Variants in ILDR1 observed in about 807,000 individuals in gnomAD.
The protein encoded by ILDR1 is immunoglobulin like domain containing receptor 1.
In ILDR1, 56 loss-of-function variants were observed where a neutral mutation model predicts 62.4. The ratio of observed to expected loss-of-function variants is 0.90; its 90% CI spans 0.72 to 1.12. The LOEUF is 1.12. Ranked by LOEUF, ILDR1 falls within the 50% of genes most tolerant of loss-of-function variation. ILDR1 has a pLI of 0.00. For synonymous variants in ILDR1, 284 were observed against 277.8 expected, an observed-to-expected ratio of 1.02 and a Z score of -0.22; for missense variants, 736 against 710.6, an observed-to-expected ratio of 1.04 and a Z score of -0.41.
At chr3:122,006,889 A>G in intron 2 of ILDR1, 102 bp downstream of exon 2, 1 of 1,272,434 alleles carries the variant, frequency 7.9e-7, no homozygotes, top group Non-Finnish European at 1.1e-6. Flanking sequence ...TCTTCTCCTC[A>G]CTACCAAGAT....
chr3:122,060,351 G>A, the ILDR1 span, among the ~76,000 whole-genome samples: 18 of 152,124 alleles, frequency 1.2e-4, no homozygotes, highest in African/African-American at 3.9e-4. Flanking sequence ...GGAAAATGGA[G>A]GCAGCACAGA....
the ILDR1 span, among the ~76,000 whole-genome samples, chr3:122,038,837 T>C: frequency 2.4e-4 from 37 of 152,238 alleles, no homozygotes; most frequent in African/African-American, 8.9e-4. Context: ...AAAAATTGCA[T>C]GGACAGAAAT....
the ILDR1 span, among the ~76,000 whole-genome samples, chr3:122,057,396 G>A: frequency 6.6e-6 from 1 of 152,162 alleles, no homozygotes; most frequent in Middle Eastern, 3.2e-3. Flanking sequence ...ATCCATAATG[G>A]AATACCATGT....
chr3:122,004,020 C>T (rs1485709606), intron 3 of ILDR1, among the ~76,000 whole-genome samples: 3 of 147,146 alleles, frequency 2.0e-5, no homozygotes, highest in Admixed American at 6.7e-5. Context: ...AATCAGATGC[C>T]GAATGTAAAA....
At chr3:122,045,782 T>A in the ILDR1 span, among the ~76,000 whole-genome samples, 3 of 149,426 alleles carry the variant, frequency 2.0e-5, no homozygotes, top group Admixed American at 6.7e-5. Flanking sequence ...TAGATCTTCC[T>A]CCATCCTTTT....
chr3:122,018,980 C>T lies in ILDR1; in HGVS notation c.58+3040G>A, dbSNP rs190017280. On this transcript the variant is annotated intron_variant, in intron 1 of 7. Transcript: ENST00000344209. The stretch of plus-strand genomic sequence containing the variant: ...TCTAAGGATATTCTTACTTAGGGGT[C>T]GGTTGTCTGATTTCCCAAAGAATGA... Among the ~76,000 whole-genome samples, 58 of 152,124 alleles carry T rather than the reference C, an allele frequency of 3.8e-4. 1 individual carries two copies. Among genetic ancestry groups the T allele is most frequent in the Non-Finnish European group, 7.1e-4 (48 of 68,028 alleles).
At chr3:122,036,278 A>G in the ILDR1 span, among the ~76,000 whole-genome samples, 2 of 152,282 alleles carry the variant, frequency 1.3e-5, no homozygotes, top group African/African-American at 4.8e-5. Context: ...ATTATCTGAA[A>G]CTGAAACTCA....
the ILDR1 span, among the ~76,000 whole-genome samples, chr3:122,041,953 A>G: frequency 6.9e-6 from 1 of 144,496 alleles, no homozygotes; most frequent in Non-Finnish European, 1.5e-5. Flanking sequence ...TTTAGGGTAC[A>G]TGTGCACATT....
At chr3:122,017,134 G>A (rs979112205) in intron 1 of ILDR1, among the ~76,000 whole-genome samples, 2 of 151,862 alleles carry the variant, frequency 1.3e-5, no homozygotes, top group Non-Finnish European at 2.9e-5. Flanking sequence ...TGCAACCTCC[G>A]CCCCACCGGG....
At chr3:122,017,463 C>G (rs374374439) in intron 1 of ILDR1, among the ~76,000 whole-genome samples, 7 of 152,196 alleles carry the variant, frequency 4.6e-5, no homozygotes, top group African/African-American at 1.7e-4. Flanking sequence ...AATCACCCAA[C>G]GGCTTGTTTC....
At chr3:121,994,127 T>C (rs1398833775) in intron 6 of ILDR1, 55 bp downstream of exon 6, 27 of 1,531,504 alleles carry the variant, frequency 1.8e-5, no homozygotes, top group Non-Finnish European at 2.3e-5. Context: ...ATGTAGCCCA[T>C]GTTCCCGCCC....
chr3:122,025,809 G>A (rs1559886518), upstream of ILDR1, among the ~76,000 whole-genome samples: 2 of 152,140 alleles, frequency 1.3e-5, no homozygotes, highest in South Asian at 4.1e-4. Flanking sequence ...CTAAAGGGAG[G>A]TAAGAAGTGT....
At chr3:122,002,412 T>C (rs1166475667) in intron 3 of ILDR1, among the ~76,000 whole-genome samples, 1 of 152,190 alleles carries the variant, frequency 6.6e-6, no homozygotes, top group African/African-American at 2.4e-5. Flanking sequence ...AAACTCCACA[T>C]TCTGGGTCCC....
chr3:122,057,940 C>G, the ILDR1 span, among the ~76,000 whole-genome samples: 3 of 152,202 alleles, frequency 2.0e-5, no homozygotes, highest in African/African-American at 7.2e-5. Context: ...AGCCAGGCTG[C>G]TGGGGTTTGA....
the ILDR1 span, among the ~76,000 whole-genome samples, chr3:122,036,507 T>G: frequency 6.6e-6 from 1 of 150,388 alleles, no homozygotes; most frequent in Non-Finnish European, 1.5e-5. Context: ...GAGAATGGTG[T>G]CAACGCGGGA....
At chr3:122,042,960 T>C in the ILDR1 span, among the ~76,000 whole-genome samples, 1 of 150,366 alleles carries the variant, frequency 6.7e-6, no homozygotes, top group South Asian at 2.1e-4. Context: ...TTGCCATTGC[T>C]TTTGGTGTTT....
At chr3:122,015,992 C>A (rs543354486) in intron 1 of ILDR1, among the ~76,000 whole-genome samples, 17 of 152,180 alleles carry the variant, frequency 1.1e-4, no homozygotes, top group Admixed American at 8.5e-4. Context: ...AACAGCTGTC[C>A]ATTTCTGTTA....
chr3:122,009,495 A>G (rs1324500425), intron 1 of ILDR1, among the ~76,000 whole-genome samples: 1 of 152,228 alleles, frequency 6.6e-6, no homozygotes, highest in African/African-American at 2.4e-5. Flanking sequence ...TGCTAGCCTT[A>G]TCAGGTCCTT....
At chr3:122,050,108 G>A in the ILDR1 span, among the ~76,000 whole-genome samples, 8 of 152,130 alleles carry the variant, frequency 5.3e-5, no homozygotes, top group South Asian at 2.1e-4. Context: ...GTTATCATTC[G>A]CATGGAATAT....
Sources: allele counts gnomAD v4.1 joint callset (sites outside exome capture counted in the v4.1 genomes callset), GRCh38; gene constraint gnomAD v4.1.1; transcripts MANE v1.5; gene names NCBI Gene and HGNC (gene_info 2026-07-23, HGNC 2026-07-21).